The following ATRN variants were observed in gnomAD, a reference collection of about 807,000 sequenced individuals.
The protein encoded by ATRN is attractin-2.
Under a neutral mutation model 178.7 loss-of-function variants are expected in ATRN, and 54 were observed. That is an observed-to-expected ratio of 0.30 (90% CI 0.24 to 0.38). The LOEUF (loss-of-function observed/expected upper bound fraction) is 0.38, where lower values mean the gene tolerates loss of function less well. ATRN is among the 10% of genes least tolerant of loss of function. ATRN has a pLI of 1.00. For synonymous variants in ATRN, 636 were observed against 663.0 expected (o/e 0.96, Z 0.63); for missense variants, 1,443 against 1,815.1 (o/e 0.79, Z 3.73).
chr20:3,553,334 G>A (rs750992998), intron 6 of ATRN, among the ~76,000 whole-genome samples: 2 of 151,866 alleles, frequency 1.3e-5, no homozygotes, highest in Non-Finnish European at 1.5e-5. Flanking sequence ...TCTTCTCTTC[G>A]TACCATAATT....
In ATRN at chr20:3,491,072, G is replaced by A. The variant is rs1014179047; in HGVS notation, c.410+19555G>A. The A allele has an allele frequency of 2.7e-5, 21 of 788,506 alleles. No homozygotes were observed. In the African/African-American group the frequency reaches 3.3e-4, roughly 12 times the overall value. The allele number at this position is 788,506 out of a possible 1,614,324, so 48.8% of individuals were successfully genotyped here. A position where few individuals can be genotyped will look rare whatever the true frequency, so the allele number is the denominator to read the frequency against. On this transcript the variant is annotated intron_variant, in intron 1 of 28. Coordinates refer to ENST00000262919, the MANE Select transcript of ATRN (RefSeq NM_139321.3). Reference sequence around the variant, plus strand: ...TTGTTTGCTGCTGGTTAAAGGAAATGCAGTGGACTTTTTGCACCTTTCCTA... The same window carrying A: ...TTGTTTGCTGCTGGTTAAAGGAAATACAGTGGACTTTTTGCACCTTTCCTA...
In ATRN at chr20:3,563,271, C is replaced by T. The variant is rs1439851057; in HGVS notation, c.1694C>T (p.Thr565Ile). 1 of 1,614,116 alleles carries T rather than the reference C, an allele frequency of 6.2e-7. No individual in the cohort carries two copies. The change falls in exon 10 of 29, where the codon ACC becomes ATC. Residue 565 changes from threonine (T) to isoleucine (I), a missense_variant. By Grantham distance (89) the Thr-to-Ile change is moderately conservative. This residue lies in a region of ATRN where 862 missense variants were observed against 972.1 expected (regional missense o/e 0.89). Transcript: ENST00000262919. ...YLHTAVIVSG[T>I]MLVFGGNTHN... Reference sequence around the variant, plus strand: ...CACACAGCTGTGATAGTGAGTGGAACCATGCTGGTGTTTGGAGGAAACACA... The same window carrying T: ...CACACAGCTGTGATAGTGAGTGGAATCATGCTGGTGTTTGGAGGAAACACA...
chr20:3,617,889 A>G (rs554361247), intron 24 of ATRN, among the ~76,000 whole-genome samples: 4 of 152,138 alleles, frequency 2.6e-5, no homozygotes, highest in African/African-American at 9.7e-5. Flanking sequence ...TAGAACACTC[A>G]GGGGTCAGGG....
chr20:3,525,861 T>G (rs2085357205), intron 1 of ATRN, among the ~76,000 whole-genome samples: 1 of 152,166 alleles, frequency 6.6e-6, no homozygotes, highest in Non-Finnish European at 1.5e-5. Context: ...CTCTTCATGC[T>G]AAAAACTCTA....
chr20:3,589,293 C>T (rs747679028), intron 18 of ATRN, among the ~76,000 whole-genome samples: 17 of 152,102 alleles, frequency 1.1e-4, no homozygotes, highest in South Asian at 2.1e-4. Flanking sequence ...CCACCACGCC[C>T]GGCCAGTTCA....
intron 6 of ATRN, among the ~76,000 whole-genome samples, chr20:3,549,956 T>TC (rs1236217163): frequency 6.6e-6 from 1 of 152,120 alleles, no homozygotes; most frequent in Admixed American, 6.6e-5. Flanking sequence ...AGTTTCTGCA[T>TC]CCCCCCAAAC....
intron 6 of ATRN, among the ~76,000 whole-genome samples, chr20:3,552,814 C>T (rs781256936): frequency 6.6e-6 from 1 of 152,178 alleles, no homozygotes; most frequent in Non-Finnish European, 1.5e-5. Flanking sequence ...GCCTTCAGCT[C>T]CTAGAGCTTA....
At chr20:3,492,869 G>GCGCA in intron 1 of ATRN, among the ~76,000 whole-genome samples, 1 of 108,502 alleles carries the variant, frequency 9.2e-6, no homozygotes, top group African/African-American at 4.4e-5. Flanking sequence ...GCGCGCGCGT[G>GCGCA]CGCACGCACA....
intron 25 of ATRN, among the ~76,000 whole-genome samples, chr20:3,626,731 C>A (rs564414970): frequency 6.6e-6 from 1 of 151,788 alleles, no homozygotes; most frequent in African/African-American, 2.4e-5. Context: ...TACCTGACTT[C>A]TCAAACCATA....
intron 4 of ATRN, among the ~76,000 whole-genome samples, 186 bp downstream of exon 4, chr20:3,546,076 A>G (rs1305539454): frequency 6.6e-6 from 1 of 152,158 alleles, no homozygotes; most frequent in African/African-American, 2.4e-5. Context: ...CTTATTTATA[A>G]TTGAGGAAAC....
chr20:3,633,921 C>T (rs916102192), intron 25 of ATRN, among the ~76,000 whole-genome samples: 1 of 152,192 alleles, frequency 6.6e-6, no homozygotes. Flanking sequence ...TAATAATTAA[C>T]TTTTTCACCT....
intron 24 of ATRN, among the ~76,000 whole-genome samples, chr20:3,608,979 G>GAAA (rs71195846): frequency 0.037 from 5,303 of 142,010 alleles, 129 homozygotes; most frequent in Non-Finnish European, 0.056. Flanking sequence ...AAAAAAAAAA[G>GAAA]AAAAAAAAAA....
At chr20:3,562,188 C>T in intron 8 of ATRN, 88 bp from the exon 9 acceptor site, 1 of 1,122,328 alleles carries the variant, frequency 8.9e-7, no homozygotes, top group Non-Finnish European at 1.3e-6. Context: ...TCCTGAAATC[C>T]ATTCTCATGC....
chr20:3,492,168 A>G (rs922115087), intron 1 of ATRN, among the ~76,000 whole-genome samples: 1 of 140,588 alleles, frequency 7.1e-6, no homozygotes. Context: ...TAGATAGGGG[A>G]GTGTGTGTGT....
At chr20:3,597,670 A>G (rs1174479270) in intron 21 of ATRN, among the ~76,000 whole-genome samples, 1 of 152,204 alleles carries the variant, frequency 6.6e-6, no homozygotes, top group African/African-American at 2.4e-5. Context: ...TATGGACGTT[A>G]CTTGATATTA....
intron 2 of ATRN, among the ~76,000 whole-genome samples, chr20:3,539,591 G>A (rs1205035669): frequency 1.3e-5 from 2 of 152,176 alleles, no homozygotes; most frequent in South Asian, 2.1e-4. Context: ...GAGAGTAGCA[G>A]TTGTGGAGAG....
intron 25 of ATRN, among the ~76,000 whole-genome samples, chr20:3,628,513 C>A (rs577547697): frequency 6.6e-6 from 1 of 152,132 alleles, no homozygotes; most frequent in Non-Finnish European, 1.5e-5. Flanking sequence ...GATGAAATGT[C>A]GTGCCATCCT....
chr20:3,498,101 C>T (rs947782030), intron 1 of ATRN, among the ~76,000 whole-genome samples: 9 of 152,100 alleles, frequency 5.9e-5, no homozygotes, highest in African/African-American at 9.7e-5. Context: ...ATAAATTCCT[C>T]GACACATACA....
intron 2 of ATRN, among the ~76,000 whole-genome samples, chr20:3,537,619 A>G (rs1379443727): frequency 2.0e-5 from 3 of 150,254 alleles, no homozygotes; most frequent in African/African-American, 4.9e-5. Flanking sequence ...CCATTAACTC[A>G]TCATTTACAT....
Sources: allele counts gnomAD v4.1 joint callset (sites outside exome capture counted in the v4.1 genomes callset), GRCh38; gene constraint gnomAD v4.1.1; regional missense constraint gnomAD v4.1.1; transcripts MANE v1.5; gene names NCBI Gene and HGNC (gene_info 2026-07-23, HGNC 2026-07-21).